The following ARHGEF28 variants were observed in gnomAD, a reference collection of about 807,000 sequenced individuals.
ARHGEF28 encodes Rho guanine nucleotide exchange factor 28.
Under a neutral mutation model 206.6 loss-of-function variants are expected in ARHGEF28, and 152 were observed. That is an observed-to-expected ratio of 0.74 (90% CI 0.64 to 0.84). The LOEUF (loss-of-function observed/expected upper bound fraction) is 0.84. Among genes scored for constraint, ARHGEF28 ranks in the 40% least tolerant of loss-of-function variants. The pLI is 0.00. For synonymous variants in ARHGEF28, 763 were observed against 776.4 expected, an observed-to-expected ratio of 0.98 and a Z score of 0.29; for missense variants, 2,028 against 2,073.2, an observed-to-expected ratio of 0.98 and a Z score of 0.42.
chr5:73,930,901 G>A (rs1486857847), intron 35 of ARHGEF28, among the ~76,000 whole-genome samples: 1 of 152,094 alleles, frequency 6.6e-6, no homozygotes, highest in Admixed American at 6.5e-5. Flanking sequence ...GGCCTGCTCT[G>A]CGTGGTCACC....
chr5:73,703,804 G>A (rs1748748510), intron 2 of ARHGEF28, among the ~76,000 whole-genome samples: 1 of 151,980 alleles, frequency 6.6e-6, no homozygotes, highest in Non-Finnish European at 1.5e-5. Flanking sequence ...TTGGGAGGCC[G>A]AGGCGGGCAG....
At chr5:73,849,602 A>G (rs72772527) in intron 13 of ARHGEF28, among the ~76,000 whole-genome samples, 8,755 of 146,246 alleles carry the variant, frequency 0.06, 291 homozygotes, top group African/African-American at 0.075. Flanking sequence ...AATGTAGGCA[A>G]TTAGAAATAT....
intron 30 of ARHGEF28, 38 bp downstream of exon 30, chr5:73,898,131 A>T: frequency 1.2e-6 from 2 of 1,604,096 alleles, no homozygotes; most frequent in Non-Finnish European, 1.7e-6. Flanking sequence ...GAGCCTGAGC[A>T]CAGTCCCTGG....
At chr5:73,886,442 C>G (rs932086083) in intron 25 of ARHGEF28, among the ~76,000 whole-genome samples, 2 of 152,244 alleles carry the variant, frequency 1.3e-5, no homozygotes, top group Admixed American at 6.5e-5. Flanking sequence ...AGTACACCTA[C>G]ACACCTAGGG....
intron 1 of ARHGEF28, among the ~76,000 whole-genome samples, chr5:73,682,776 C>T (rs144988982): frequency 1.3e-4 from 20 of 152,276 alleles, no homozygotes; most frequent in African/African-American, 3.6e-4. Context: ...GGCATGGTGG[C>T]GCATGCCTGT....
At chr5:73,866,968 A>T (rs1342738954) in intron 18 of ARHGEF28, among the ~76,000 whole-genome samples, 1 of 152,314 alleles carries the variant, frequency 6.6e-6, no homozygotes, top group African/African-American at 2.4e-5. Context: ...GTGTAATGTT[A>T]TATTAGGTTA....
chr5:73,806,913 T>C (rs1755539017), intron 9 of ARHGEF28, among the ~76,000 whole-genome samples: 2 of 147,560 alleles, frequency 1.4e-5, no homozygotes, highest in African/African-American at 4.9e-5. Context: ...ATAAACAATA[T>C]AAAATCTATA....
chr5:73,919,884 A>G (rs535336830), intron 35 of ARHGEF28, among the ~76,000 whole-genome samples: 17 of 152,342 alleles, frequency 1.1e-4, no homozygotes, highest in African/African-American at 3.8e-4. Flanking sequence ...TGGGGTAATA[A>G]TTTATGTAAT....
chr5:73,842,562 G>A (rs1451800874), intron 11 of ARHGEF28, among the ~76,000 whole-genome samples: 4 of 152,188 alleles, frequency 2.6e-5, no homozygotes, highest in Non-Finnish European at 5.9e-5. Context: ...GAAGTGATAG[G>A]CTAATTTGAA....
rs1758362358 is a variant in ARHGEF28 at position 73,846,375 on chromosome 5, C to T, written c.1535C>T (p.Pro512Leu). 1 of 1,613,752 alleles carries T rather than the reference C, an allele frequency of 6.2e-7. No individual in the cohort carries two copies. The highest frequency in any genetic ancestry group is 1.7e-5 in the Admixed American group (1 of 59,986). Residue 512 changes from proline (P) to leucine (L), a missense_variant, in exon 12 of 36, where the codon CCT (proline) becomes CTT (leucine). Physicochemically the swap from Pro to Leu is moderately conservative, Grantham distance 98 (BLOSUM62 -3). Coordinates refer to ENST00000513042, the MANE Select transcript of ARHGEF28 (RefSeq NM_001177693.2). Reference protein sequence around the residue: ...GSQSSSRTGIPSGDELDSFET... With the variant: ...GSQSSSRTGILSGDELDSFET... ...CAGAGCTCCTCAAGAACTGGGATTC[C>T]TAGTGGGGATGAATTGGACTCTTTT... is the stretch of plus-strand genomic sequence containing the variant.
chr5:73,841,015 A>G (rs1219188692), intron 11 of ARHGEF28, among the ~76,000 whole-genome samples: 2 of 152,192 alleles, frequency 1.3e-5, no homozygotes, highest in Non-Finnish European at 2.9e-5. Context: ...AAAATCTAAC[A>G]ATCCCATGTT....
chr5:73,673,262 AAATGC>A (rs1402180891), intron 1 of ARHGEF28, among the ~76,000 whole-genome samples: 1 of 152,210 alleles, frequency 6.6e-6, no homozygotes, highest in Non-Finnish European at 1.5e-5. Context: ...AACAGTTGTG[AAATGC>A]AATTATAAGC....
intron 1 of ARHGEF28, among the ~76,000 whole-genome samples, chr5:73,679,189 C>T (rs6867751): frequency 0.4 from 60,945 of 152,162 alleles, 13,526 homozygotes; most frequent in East Asian, 0.68. Flanking sequence ...TACAGAATGC[C>T]ATGTGAGAGC....
chr5:73,886,612 G>T (rs1400446721), intron 25 of ARHGEF28, among the ~76,000 whole-genome samples: 1 of 152,196 alleles, frequency 6.6e-6, no homozygotes, highest in Non-Finnish European at 1.5e-5. Context: ...TAACTGGCAT[G>T]AACTTGACTC....
intron 1 of ARHGEF28, among the ~76,000 whole-genome samples, chr5:73,676,187 C>T (rs1175693432): frequency 6.7e-6 from 1 of 150,278 alleles, no homozygotes; most frequent in Non-Finnish European, 1.5e-5. Context: ...TCTCCTGCCT[C>T]AGCCTCCTGA....
chr5:73,754,569 C>CCATT (rs1388819852), intron 4 of ARHGEF28, among the ~76,000 whole-genome samples: 9 of 152,130 alleles, frequency 5.9e-5, no homozygotes, highest in South Asian at 4.2e-4. Context: ...TTGGGATACA[C>CCATT]CATTCATTCA....
At chr5:73,911,715 T>TTC (rs1201504026) in intron 35 of ARHGEF28, 140 bp downstream of exon 35, 24 of 946,282 alleles carry the variant, frequency 2.5e-5, no homozygotes, top group Non-Finnish European at 3.4e-5. Context: ...TTTGTGGCAT[T>TTC]CACTTTTCTT....
chr5:73,742,185 GT>G (rs1751474553), intron 2 of ARHGEF28, among the ~76,000 whole-genome samples: 1 of 151,906 alleles, frequency 6.6e-6, no homozygotes, highest in African/African-American at 2.4e-5. Flanking sequence ...AGCTTTCTGT[GT>G]TATTTTTAAA....
intron 24 of ARHGEF28, among the ~76,000 whole-genome samples, chr5:73,885,423 T>C (rs1761209287): frequency 6.6e-6 from 1 of 152,054 alleles, no homozygotes; most frequent in South Asian, 2.1e-4. Flanking sequence ...AATAAAATAT[T>C]TTAACATTTT....
Sources: allele counts gnomAD v4.1 joint callset (sites outside exome capture counted in the v4.1 genomes callset), GRCh38; gene constraint gnomAD v4.1.1; transcripts MANE v1.5; gene names NCBI Gene and HGNC (gene_info 2026-07-23, HGNC 2026-07-21).